The following RBKS variants were observed in gnomAD, a reference collection of about 807,000 sequenced individuals.
RBKS encodes the protein ribokinase.
A neutral mutation model predicts 33.9 loss-of-function variants in RBKS; 33 were observed. That is an observed-to-expected ratio of 0.97 (90% CI 0.74 to 1.30). The LOEUF is 1.30. RBKS is among the 50% of genes most tolerant of loss of function. RBKS has a pLI of 0.00. For missense variants in RBKS, 361 were observed against 392.6 expected, an observed-to-expected ratio of 0.92 and a Z score of 0.68; for synonymous variants, 125 against 143.0, an observed-to-expected ratio of 0.87 and a Z score of 0.90.
rs776420992 is a variant in RBKS, at chr2:27,827,640, C to A, written c.722G>T (p.Cys241Phe). Reference sequence around the variant, plus strand: ...AGGTTCTGTCTGTGACAGCACCACACATCCTTCAGCCCCTAAGGTAATGAT... The same window carrying A: ...AGGTTCTGTCTGTGACAGCACCACAAATCCTTCAGCCCCTAAGGTAATGAT... ...VVIITLGAEG[C>F]VVLSQTEPEP... The change falls in exon 7 of 8, where the codon TGT (cysteine) becomes TTT (phenylalanine). Residue 241 changes from cysteine (C) to phenylalanine (F), a missense_variant. Coordinates refer to ENST00000302188, the MANE Select transcript of RBKS (RefSeq NM_022128.3). The A allele has an allele frequency of 6.2e-7, 1 of 1,613,946 alleles. No homozygotes were observed.
At chr2:27,813,342 G>C (rs1678027873) in intron 7 of RBKS, among the ~76,000 whole-genome samples, 1 of 152,054 alleles carries the variant, frequency 6.6e-6, no homozygotes, top group Admixed American at 6.6e-5. Flanking sequence ...TCAGCTAAAA[G>C]AAACTACAGA....
chr2:27,807,638 C>G (rs1402637952), intron 7 of RBKS, among the ~76,000 whole-genome samples: 1 of 152,154 alleles, frequency 6.6e-6, no homozygotes, highest in Non-Finnish European at 1.5e-5. Flanking sequence ...TCACAAAGTA[C>G]TGGGATTCCA....
intron 7 of RBKS, among the ~76,000 whole-genome samples, chr2:27,820,318 G>T (rs981091223): frequency 5.9e-5 from 9 of 152,078 alleles, no homozygotes; most frequent in African/African-American, 2.2e-4. Flanking sequence ...CAGCTGGTGA[G>T]GTTTTTTCCA....
rs756760246 is a variant in RBKS at position 27,843,189 on chromosome 2, A to G, written c.392T>C (p.Leu131Ser). ...TGCTGCCCTCAGATCCTCCGTATTC[A>G]AAAGTAAATTTGCTCCAGCCACTAT... Reference protein sequence around the residue: ...IVIVAGANLLLNTEDLRAAAN... With the variant: ...IVIVAGANLLSNTEDLRAAAN... Residue 131 changes from leucine (L) to serine (S), a missense_variant, in exon 5 of 8, where the codon TTG becomes TCG. Coordinates refer to ENST00000302188, the MANE Select transcript of RBKS (RefSeq NM_022128.3). The G allele has an allele frequency of 6.2e-6, 10 of 1,612,510 alleles. No individual in the cohort carries two copies. Among genetic ancestry groups the G allele is most frequent in the Admixed American group, 1.7e-5 (1 of 59,776 alleles).
In RBKS at chr2:27,858,591, G is replaced by A. The variant is rs1296732390; in HGVS notation, c.90-20C>T. ...GTAAGACTATTGTAATTTAAAAAGA[G>A]AAGAAAAAAGCATATTGGTAACTGT... On this transcript the variant is annotated intron_variant, in intron 1 of 7. Coordinates refer to ENST00000302188, the MANE Select transcript of RBKS (RefSeq NM_022128.3). The A allele has an allele frequency of 1.2e-6, 2 of 1,604,394 alleles. No individual in the cohort carries two copies. Among genetic ancestry groups the A allele is most frequent in the South Asian group, 1.1e-5 (1 of 90,476 alleles).
At chr2:27,864,233 G>A (rs1360716294) in intron 1 of RBKS, among the ~76,000 whole-genome samples, 3 of 151,806 alleles carry the variant, frequency 2.0e-5, no homozygotes, top group Non-Finnish European at 4.4e-5. Flanking sequence ...ATGTTGCCCA[G>A]GCTACTCTTG....
chr2:27,806,190 T>C (rs1263772063), intron 7 of RBKS, among the ~76,000 whole-genome samples: 1 of 151,986 alleles, frequency 6.6e-6, no homozygotes, highest in East Asian at 1.9e-4. Flanking sequence ...GACCTGAAAA[T>C]GGATATATTA....
At chr2:27,797,975 A>G (rs899480881) in intron 7 of RBKS, among the ~76,000 whole-genome samples, 2 of 152,212 alleles carry the variant, frequency 1.3e-5, no homozygotes, top group East Asian at 1.9e-4. Context: ...GGTACTAGCA[A>G]TGTCCTGGAG....
intron 7 of RBKS, among the ~76,000 whole-genome samples, chr2:27,818,565 T>C (rs1678141408): frequency 6.6e-6 from 1 of 152,194 alleles, no homozygotes; most frequent in Non-Finnish European, 1.5e-5. Context: ...GGGCAGGTCA[T>C]GTAACCTTTG....
chr2:27,856,687 G>C (rs1000364887), intron 2 of RBKS, among the ~76,000 whole-genome samples: 1 of 152,124 alleles, frequency 6.6e-6, no homozygotes, highest in South Asian at 2.1e-4. Context: ...TCCAGCTCTA[G>C]GAACTCCCCT....
rs745795852 is a variant in RBKS at position 27,881,998 on chromosome 2, T to C, written c.89+8259A>G. ...AACCTAGGCAATACCACTCTGGACA[T>C]AGCACAGGCAAAAATTTCATGGCAA... On this transcript the variant is annotated intron_variant, in intron 1 of 7. Transcript: ENST00000302188. 6.7e-4 allele frequency among the ~76,000 whole-genome samples: 102 copies of C among 152,274 alleles called. 1 individual carries two copies. The highest frequency in any genetic ancestry group is 3.4e-3 in the Middle Eastern group (1 of 294).
intron 7 of RBKS, among the ~76,000 whole-genome samples, chr2:27,793,976 T>C (rs1677587454): frequency 6.6e-6 from 1 of 152,206 alleles, no homozygotes; most frequent in African/African-American, 2.4e-5. Flanking sequence ...TCTGTAAGTT[T>C]TACTTTTTAA....
intron 1 of RBKS, among the ~76,000 whole-genome samples, chr2:27,859,238 AT>A (rs1324033766): frequency 6.6e-6 from 1 of 152,184 alleles, no homozygotes; most frequent in East Asian, 1.9e-4. Flanking sequence ...TTATTTTTAA[AT>A]TTTTATTATG....
chr2:27,784,836 C>G lies in RBKS; in HGVS notation c.796-3048G>C, dbSNP rs549692577. Among the ~76,000 whole-genome samples, 8 of 152,246 alleles carry G rather than the reference C, an allele frequency of 5.3e-5. No individual in the cohort carries two copies. In the South Asian group the frequency reaches 1.4e-3, roughly 28 times the overall value. On this transcript the variant is annotated intron_variant, in intron 7 of 7. Coordinates refer to ENST00000302188, the MANE Select transcript of RBKS (RefSeq NM_022128.3). ...AATGTGTTAGGCCCTATGCTAGGTG[C>G]TTTGCAACATTTACTGGTCCTTCCT...
In RBKS at chr2:27,797,034, T is replaced by C. The variant is rs556668269; in HGVS notation, c.796-15246A>G. 4.6e-5 allele frequency among the ~76,000 whole-genome samples: 7 copies of C among 152,284 alleles called. No individual in the cohort carries two copies. The South Asian group carries it at 1.0e-3, about 23-fold the overall frequency. ...TAAGGCTCTGCTCTCTAATAAACGCTGTGGAGCTGGCATAAATGTGTGACA... is the reference window on the plus strand; with the variant it reads ...TAAGGCTCTGCTCTCTAATAAACGCCGTGGAGCTGGCATAAATGTGTGACA... On this transcript the variant is annotated intron_variant, in intron 7 of 7. Coordinates refer to ENST00000302188, the MANE Select transcript of RBKS (RefSeq NM_022128.3).
chr2:27,824,587 C>T lies in RBKS; in HGVS notation c.795+2980G>A, dbSNP rs1041469158. 4.6e-5 allele frequency among the ~76,000 whole-genome samples: 7 copies of T among 152,102 alleles called. No individual in the cohort carries two copies. In the East Asian group the frequency reaches 1.2e-3, roughly 25 times the overall value. On this transcript the variant is annotated intron_variant, in intron 7 of 7. Transcript: ENST00000302188. Reference sequence around the variant, plus strand: ...TTTTAATGGCTGAATAATATTCCATCGTATGGATATACCACAATTTGTTTA... The same window carrying T: ...TTTTAATGGCTGAATAATATTCCATTGTATGGATATACCACAATTTGTTTA...
rs563525072 is a variant in RBKS, at chr2:27,829,693, C to T, written c.607-1938G>A. ...TCAGTGGTTTTACAGTAGCTTCCCC[C>T]AGGTACACAAGAGTCTCTAAACCAA... On this transcript the variant is annotated intron_variant, in intron 6 of 7. Coordinates refer to ENST00000302188, the MANE Select transcript of RBKS (RefSeq NM_022128.3). Among the ~76,000 whole-genome samples the T allele has an allele frequency of 2.6e-5, 4 of 152,170 alleles. No homozygotes were observed. In the South Asian group the frequency reaches 8.3e-4, roughly 31 times the overall value.
At chr2:27,812,879 G>A (rs970266196) in intron 7 of RBKS, among the ~76,000 whole-genome samples, 1 of 151,126 alleles carries the variant, frequency 6.6e-6, no homozygotes, top group Non-Finnish European at 1.5e-5. Context: ...AAAGTACTTA[G>A]AAAAGTGCTT....
chr2:27,872,529 C>T (rs1472021639), intron 1 of RBKS, among the ~76,000 whole-genome samples: 1 of 151,898 alleles, frequency 6.6e-6, no homozygotes, highest in Non-Finnish European at 1.5e-5. Context: ...AATAAAAAAG[C>T]TTAAGGCAAA....
Sources: allele counts gnomAD v4.1 joint callset (sites outside exome capture counted in the v4.1 genomes callset), GRCh38; gene constraint gnomAD v4.1.1; transcripts MANE v1.5; gene names NCBI Gene and HGNC (gene_info 2026-07-23, HGNC 2026-07-21).